COL6A5: variants seen among roughly 807,000 people sequenced by gnomAD.
The protein encoded by COL6A5 is collagen alpha-5(VI) chain.
In COL6A5, 48 loss-of-function variants were observed where a neutral mutation model predicts 65.6. The observed-to-expected ratio is 0.73, with a 90% CI of 0.58 to 0.93. The LOEUF is 0.93. COL6A5 is among the 40% of genes least tolerant of loss of function. The probability of loss-of-function intolerance (pLI) is 0.00; values close to 1 mark genes in which losing one functional copy is unlikely to be tolerated. For missense variants in COL6A5, 914 were observed against 928.3 expected, an observed-to-expected ratio of 0.98 and a Z score of 0.20; for synonymous variants, 291 against 322.8, an observed-to-expected ratio of 0.90 and a Z score of 1.05.
At chr3:130,428,875 C>A (rs1354889377), upstream of COL6A5, among the ~76,000 whole-genome samples, 2 of 152,126 alleles carry the variant, frequency 1.3e-5, no homozygotes, top group Admixed American at 1.3e-4. Flanking sequence ...TTAATAATAT[C>A]TTTTATTATA....
chr3:130,463,954 A>G (rs931349357), intron 5 of COL6A5, among the ~76,000 whole-genome samples: 1 of 151,998 alleles, frequency 6.6e-6, no homozygotes, highest in African/African-American at 2.4e-5. Context: ...GATGAAATAT[A>G]CCTCTTTAGA....
At chr3:130,395,393 T>C (rs1314482632) in exon 8 of COL6A5, 1 of 1,547,556 alleles carries the variant, frequency 6.5e-7, no homozygotes, top group East Asian at 2.4e-5. Context: ...TTTTCAAGAC[T>C]TTGATAAATT....
intron 24 of COL6A5, among the ~76,000 whole-genome samples, chr3:130,418,422 T>C (rs1010772943): frequency 6.6e-6 from 1 of 152,108 alleles, no homozygotes; most frequent in Non-Finnish European, 1.5e-5. Flanking sequence ...AAATCTGACT[T>C]AGACTCCCCT....
intron 7 of COL6A5, among the ~76,000 whole-genome samples, chr3:130,392,360 A>T (rs1577460974): frequency 1.3e-5 from 2 of 152,146 alleles, no homozygotes; most frequent in East Asian, 3.9e-4. Context: ...AACTGAGATG[A>T]TTACCAGCTA....
intron 7 of COL6A5, among the ~76,000 whole-genome samples, chr3:130,474,212 A>G (rs964001760): frequency 6.6e-6 from 1 of 152,100 alleles, no homozygotes; most frequent in Non-Finnish European, 1.5e-5. Flanking sequence ...TAAACTGTAC[A>G]TGTATGAGAA....
intron 1 of COL6A5, among the ~76,000 whole-genome samples, chr3:130,348,493 T>A (rs539668929): frequency 6.6e-6 from 1 of 152,226 alleles, no homozygotes; most frequent in African/African-American, 2.4e-5. Context: ...ATGGTGTATA[T>A]GTGCCACATT....
exon 1 of COL6A5, chr3:130,431,875 A>G (rs1298493766): frequency 3.9e-6 from 6 of 1,551,504 alleles, no homozygotes; most frequent in African/African-American, 1.4e-5. Flanking sequence ...CACGGCCACC[A>G]TGGAGTTTAG....
At chr3:130,461,001 T>C (rs1709690645) in intron 5 of COL6A5, among the ~76,000 whole-genome samples, 1 of 151,974 alleles carries the variant, frequency 6.6e-6, no homozygotes, top group Admixed American at 6.6e-5. Context: ...GAGGGCTTAC[T>C]ATATGAAAAG....
intron 29 of COL6A5, 54 bp from the exon 30 acceptor site, chr3:130,426,160 A>T: frequency 1.3e-6 from 2 of 1,503,706 alleles, no homozygotes; most frequent in South Asian, 2.4e-5. Flanking sequence ...ATTACTAAAG[A>T]CTAAAGACTT....
intron 1 of COL6A5, among the ~76,000 whole-genome samples, chr3:130,360,640 G>T (rs1935075080): frequency 6.6e-6 from 1 of 152,056 alleles, no homozygotes; most frequent in Non-Finnish European, 1.5e-5. Context: ...GCTCATTGGG[G>T]ATAATAAAGC....
At chr3:130,434,040 A>G (rs537390273) in intron 1 of COL6A5, among the ~76,000 whole-genome samples, 2 of 151,512 alleles carry the variant, frequency 1.3e-5, no homozygotes, top group Non-Finnish European at 2.9e-5. Flanking sequence ...TACATGTGCC[A>G]TGGTGGTTTG....
chr3:130,401,039 G>A (rs1246068662), exon 11 of COL6A5: 1 of 1,544,150 alleles, frequency 6.5e-7, no homozygotes, highest in Non-Finnish European at 8.7e-7. Context: ...AGGACTTGAT[G>A]CTCTGCTGGT....
intron 8 of COL6A5, among the ~76,000 whole-genome samples, chr3:130,396,029 G>T (rs1936589581): frequency 6.6e-6 from 1 of 152,178 alleles, no homozygotes; most frequent in Non-Finnish European, 1.5e-5. Flanking sequence ...GCAAATGGCT[G>T]CAAAGGCCAG....
chr3:130,399,830 G>A (rs575266153), intron 10 of COL6A5, among the ~76,000 whole-genome samples: 1 of 152,078 alleles, frequency 6.6e-6, no homozygotes, highest in East Asian at 1.9e-4. Flanking sequence ...TCAGCTCGCT[G>A]CAACCTCTGC....
At chr3:130,350,457 CAA>C (rs1934660483) in intron 1 of COL6A5, among the ~76,000 whole-genome samples, 1 of 152,206 alleles carries the variant, frequency 6.6e-6, no homozygotes, top group African/African-American at 2.4e-5. Context: ...GCAACTTCAG[CAA>C]AGTCTCAGGA....
intron 4 of COL6A5, among the ~76,000 whole-genome samples, chr3:130,451,234 T>C (rs1709423434): frequency 6.6e-6 from 1 of 152,120 alleles, no homozygotes; most frequent in South Asian, 2.1e-4. Flanking sequence ...TTCTTTGTTT[T>C]GGCGTAATAA....
chr3:130,455,489 G>A (rs776606503), exon 5 of COL6A5: 4 of 1,612,292 alleles, frequency 2.5e-6, no homozygotes, highest in Non-Finnish European at 3.4e-6. Context: ...TTTTTTGGGA[G>A]GTAATGGCTT....
At chr3:130,378,038 A>G (rs16826935) in intron 3 of COL6A5, among the ~76,000 whole-genome samples, 44,107 of 151,972 alleles carry the variant, frequency 0.29, 7,396 homozygotes, top group East Asian at 0.52. Flanking sequence ...CAGATGGGTA[A>G]TTCTTGGCAA....
intron 1 of COL6A5, among the ~76,000 whole-genome samples, chr3:130,361,649 A>G (rs1390608431): frequency 6.6e-6 from 1 of 152,056 alleles, no homozygotes; most frequent in Admixed American, 6.5e-5. Context: ...GAAACTATTG[A>G]ATTGTCTTCC....
Sources: allele counts gnomAD v4.1 joint callset (sites outside exome capture counted in the v4.1 genomes callset), GRCh38; gene constraint gnomAD v4.1.1; transcripts MANE v1.5; gene names NCBI Gene and HGNC (gene_info 2026-07-23, HGNC 2026-07-21).